GNAL: variants seen among roughly 807,000 people sequenced by gnomAD.
The protein encoded by GNAL is guanine nucleotide-binding protein G(olf) subunit alpha.
A neutral mutation model predicts 55.1 loss-of-function variants in GNAL; 18 were observed. That is an observed-to-expected ratio of 0.33 (90% CI 0.23 to 0.48). The LOEUF is 0.48. Ranked by LOEUF, GNAL falls within the 20% of genes least tolerant of loss-of-function variation. The probability of loss-of-function intolerance (pLI) is 0.99; values close to 1 mark genes in which losing one functional copy is unlikely to be tolerated. For synonymous variants in GNAL, 253 were observed against 237.0 expected (o/e 1.07, Z -0.62); for missense variants, 412 against 614.1 (o/e 0.67, Z 3.48).
chr18:11,885,664 C>T lies in GNAL; in HGVS notation c.*4529C>T, dbSNP rs1209531573. 6.2e-7 allele frequency: 1 copy of T among 1,605,500 alleles called. No homozygotes were observed. The highest frequency in any genetic ancestry group is 8.5e-7 in the Non-Finnish European group (1 of 1,173,618). ...ATGAAAGCTTTCAGACAAAAATAAACTTTCACGTTACCATGATGAAACTGG... is the reference window on the plus strand; with the variant it reads ...ATGAAAGCTTTCAGACAAAAATAAATTTTCACGTTACCATGATGAAACTGG... On this transcript the variant is annotated 3_prime_UTR_variant, in exon 12 of 12. Coordinates refer to ENST00000334049, the MANE Select transcript of GNAL (RefSeq NM_182978.4).
intron 1 of GNAL, among the ~76,000 whole-genome samples, chr18:11,723,965 T>G (rs1172856830): frequency 6.6e-6 from 1 of 152,052 alleles, no homozygotes. Flanking sequence ...TGAAAGGGGG[T>G]CGTACCCTCT....
chr18:11,689,706 C>G lies in GNAL; in HGVS notation c.143C>G (p.Thr48Arg), dbSNP rs917356429. The G allele has an allele frequency of 6.7e-7, 1 of 1,485,766 alleles. No homozygotes were observed. The highest frequency in any genetic ancestry group is 1.3e-5 in the South Asian group (1 of 79,002). 92.0% of individuals were successfully genotyped at this position (1,485,766 alleles called of 1,614,324 possible). ...CCAGTCCGGGCGGCCGCAAGGGACA[C>G]GGCCCGGACCCTGCTCCCTCGGGGC... Reference protein sequence around the residue: ...LAPVRAAARDTARTLLPRGGE... With the variant: ...LAPVRAAARDRARTLLPRGGE... The change falls in exon 1 of 12, where the codon ACG becomes AGG. Residue 48 changes from threonine to arginine, a missense_variant. Around this residue, in one of 5 missense-constraint regions of GNAL, gnomAD observed 228 missense variants for 194.8 expected, o/e 1.17. Coordinates refer to ENST00000334049, the MANE Select transcript of GNAL (RefSeq NM_182978.4).
intron 4 of GNAL, among the ~76,000 whole-genome samples, chr18:11,791,484 A>G (rs557090404): frequency 1.5e-4 from 23 of 152,328 alleles, no homozygotes; most frequent in African/African-American, 5.5e-4. Flanking sequence ...TTTGTTTGAA[A>G]TAAATGAACT....
At chr18:11,795,684 G>A (rs903149453) in intron 4 of GNAL, among the ~76,000 whole-genome samples, 22 of 152,286 alleles carry the variant, frequency 1.4e-4, no homozygotes, top group African/African-American at 3.8e-4. Context: ...TGTGTGAGGC[G>A]TCAGTCTGTG....
intron 1 of GNAL, among the ~76,000 whole-genome samples, chr18:11,729,073 T>A (rs1568000703): frequency 6.6e-6 from 1 of 152,232 alleles, no homozygotes; most frequent in Middle Eastern, 3.4e-3. Flanking sequence ...CTTTGGTGTT[T>A]TTATTGATGA....
At chr18:11,739,723 T>C (rs2143473316) in intron 1 of GNAL, among the ~76,000 whole-genome samples, 1 of 152,158 alleles carries the variant, frequency 6.6e-6, no homozygotes, top group South Asian at 2.1e-4. Flanking sequence ...GAGCACTGCA[T>C]ACACTCTGTG....
At chr18:11,726,595 C>G (rs576447033) in intron 1 of GNAL, among the ~76,000 whole-genome samples, 61 of 152,326 alleles carry the variant, frequency 4.0e-4, no homozygotes, top group African/African-American at 1.3e-3. Flanking sequence ...ATCTTCTGAT[C>G]CACTGTGCCA....
intron 1 of GNAL, among the ~76,000 whole-genome samples, chr18:11,706,404 T>C (rs2031713378): frequency 6.6e-6 from 1 of 152,210 alleles, no homozygotes; most frequent in Admixed American, 6.5e-5. Context: ...TCCGGATCTC[T>C]TTGCTGGTGG....
At chr18:11,880,745 C>G (rs1239955285) in intron 11 of GNAL, among the ~76,000 whole-genome samples, 1 of 152,146 alleles carries the variant, frequency 6.6e-6, no homozygotes, top group African/African-American at 2.4e-5. Flanking sequence ...CCTTGACTTG[C>G]CTGCCGGGGC....
chr18:11,722,651 A>T (rs2032121566), intron 1 of GNAL, among the ~76,000 whole-genome samples: 1 of 152,196 alleles, frequency 6.6e-6, no homozygotes, highest in African/African-American at 2.4e-5. Flanking sequence ...TGGGCAGATC[A>T]CCTGATGTCA....
intron 4 of GNAL, among the ~76,000 whole-genome samples, chr18:11,812,737 G>A (rs1042802666): frequency 1.3e-5 from 2 of 151,822 alleles, no homozygotes; most frequent in East Asian, 1.9e-4. Context: ...CCAGCTACTC[G>A]GGAGGCTGAG....
At position 11,854,274 on chromosome 18, in the gene GNAL, T is replaced by G. The variant is rs138070097; in HGVS notation, c.723-8121T>G. 1,184 of 167,258 alleles carry G rather than the reference T, an allele frequency of 7.1e-3. 6 individuals carry two copies. Among genetic ancestry groups the G allele is most frequent in the Non-Finnish European group, 7.5e-3 (512 of 68,118 alleles). 10.4% of individuals were successfully genotyped at this position (167,258 alleles called of 1,614,324 possible). A position where few individuals can be genotyped will look rare whatever the true frequency, so the allele number is the denominator to read the frequency against. On this transcript the variant is annotated intron_variant, in intron 5 of 11. Coordinates refer to ENST00000334049, the MANE Select transcript of GNAL (RefSeq NM_182978.4). ...AGATTAAACAATGCTTGTATATGCT[T>G]GAACTTTCTTAAAATATGTCCATGT...
intron 1 of GNAL, among the ~76,000 whole-genome samples, chr18:11,714,550 A>T (rs1478836250): frequency 1.3e-5 from 2 of 152,204 alleles, no homozygotes; most frequent in Admixed American, 1.3e-4. Flanking sequence ...AAGAGGTCAA[A>T]TACACATTTC....
chr18:11,769,719 A>G (rs905929096), intron 4 of GNAL, among the ~76,000 whole-genome samples: 2 of 152,214 alleles, frequency 1.3e-5, no homozygotes, highest in African/African-American at 4.8e-5. Flanking sequence ...TGGCAAAAAG[A>G]TAAACAAATG....
intron 1 of GNAL, among the ~76,000 whole-genome samples, chr18:11,693,677 C>T (rs897184846): frequency 2.0e-5 from 3 of 150,888 alleles, no homozygotes; most frequent in African/African-American, 4.9e-5. Context: ...AAATGTGCAC[C>T]GAAAGCTGGG....
chr18:11,788,938 C>T (rs151122751), intron 4 of GNAL, among the ~76,000 whole-genome samples: 12,567 of 67,606 alleles, frequency 0.19, 951 homozygotes, highest in East Asian at 0.32. Context: ...TATATATATA[C>T]ACATATATAT....
intron 1 of GNAL, among the ~76,000 whole-genome samples, chr18:11,736,844 T>C (rs1366418160): frequency 6.6e-6 from 1 of 152,200 alleles, no homozygotes; most frequent in African/African-American, 2.4e-5. Flanking sequence ...TGTAGCAACA[T>C]TTGTAGTTAT....
chr18:11,707,551 C>T (rs527662094), intron 1 of GNAL, among the ~76,000 whole-genome samples: 2 of 152,274 alleles, frequency 1.3e-5, no homozygotes, highest in East Asian at 3.9e-4. Context: ...CAAATTTAGC[C>T]TAATTCTGGA....
intron 4 of GNAL, among the ~76,000 whole-genome samples, chr18:11,790,200 T>C (rs971221282): frequency 1.3e-5 from 2 of 152,182 alleles, no homozygotes; most frequent in African/African-American, 2.4e-5. Flanking sequence ...TTGAGAGCTA[T>C]CTTTTGTGCA....
Sources: allele counts gnomAD v4.1 joint callset (sites outside exome capture counted in the v4.1 genomes callset), GRCh38; gene constraint gnomAD v4.1.1; regional missense constraint gnomAD v4.1.1; transcripts MANE v1.5; gene names NCBI Gene and HGNC (gene_info 2026-07-23, HGNC 2026-07-21).